NXNL2: variants seen among roughly 807,000 people sequenced by gnomAD.
NXNL2 encodes the protein nucleoredoxin-like protein 2.
A neutral mutation model predicts 11.1 loss-of-function variants in NXNL2; 7 were observed. That is an observed-to-expected ratio of 0.63 (90% CI 0.36 to 1.18). The LOEUF (loss-of-function observed/expected upper bound fraction) is 1.18, where lower values mean the gene tolerates loss of function less well. Ranked by LOEUF, NXNL2 falls within the 50% of genes most tolerant of loss-of-function variation. The pLI is 0.02. For synonymous variants in NXNL2, 109 were observed against 101.8 expected (o/e 1.07, Z -0.42); for missense variants, 233 against 217.7 (o/e 1.07, Z -0.44).
chr9:88,565,313 G>A (rs1830152820), intron 1 of NXNL2, among the ~76,000 whole-genome samples: 1 of 152,188 alleles, frequency 6.6e-6, no homozygotes, highest in African/African-American at 2.4e-5. Flanking sequence ...TAATGCTGCA[G>A]GGGACATGGG....
chr9:88,535,794 C>T (rs1769169123), intron 1 of NXNL2, 58 bp downstream of exon 1: 8 of 1,408,388 alleles, frequency 5.7e-6, no homozygotes, highest in Admixed American at 4.5e-5. Flanking sequence ...CATGTTCCCC[C>T]AGGCCTCCCC....
chr9:88,538,147 G>A (rs896669062), intron 1 of NXNL2, among the ~76,000 whole-genome samples: 1 of 152,178 alleles, frequency 6.6e-6, no homozygotes, highest in African/African-American at 2.4e-5. Flanking sequence ...AAAAAGTGAG[G>A]TTCTTTGCCT....
intron 1 of NXNL2, among the ~76,000 whole-genome samples, chr9:88,561,561 A>G (rs1830086074): frequency 6.6e-6 from 1 of 152,170 alleles, no homozygotes; most frequent in Admixed American, 6.6e-5. Flanking sequence ...ACAATGACAC[A>G]CACAAACCAG....
downstream of NXNL2, chr9:88,545,121 T>A (rs1359437594): frequency 6.5e-6 from 1 of 153,592 alleles, no homozygotes; most frequent in Non-Finnish European, 1.4e-5. Context: ...TTTCTTCTTC[T>A]CTTTGTTTTC....
In NXNL2 at chr9:88,535,221, G is replaced by T. The variant is rs1829575095; in HGVS notation, c.-214G>T. On this transcript the variant is annotated 5_prime_UTR_variant, in exon 1 of 2. Coordinates refer to ENST00000375854, the MANE Select transcript of NXNL2 (RefSeq NM_001161625.2). Reference sequence around the variant, plus strand: ...GTCGCCCAGGTATCTGGGGTCTCTGGTGTCTGAGTGTCTCATTGTCGGCGC... The same window carrying T: ...GTCGCCCAGGTATCTGGGGTCTCTGTTGTCTGAGTGTCTCATTGTCGGCGC... The T allele has an allele frequency of 3.6e-6, 2 of 563,078 alleles. No homozygotes were observed. Among genetic ancestry groups the T allele is most frequent in the Non-Finnish European group, 3.1e-6 (1 of 323,728 alleles). The allele number at this position is 563,078 out of a possible 1,614,324, so 34.9% of individuals were successfully genotyped here.
chr9:88,552,758 C>T (rs191477840), intron 1 of NXNL2, among the ~76,000 whole-genome samples: 11 of 152,130 alleles, frequency 7.2e-5, no homozygotes, highest in African/African-American at 1.9e-4. Context: ...CATGAGCCAC[C>T]GCGCCCGGTG....
chr9:88,544,637 G>C lies in NXNL2; in HGVS notation c.*90G>C. The C allele has an allele frequency of 6.9e-7, 1 of 1,441,176 alleles. No homozygotes were observed. Among genetic ancestry groups the C allele is most frequent in the Non-Finnish European group, 9.1e-7 (1 of 1,094,918 alleles). The allele number at this position is 1,441,176 out of a possible 1,614,324, so 89.3% of individuals were successfully genotyped here. The stretch of plus-strand genomic sequence containing the variant: ...AGGAGCATGTTGGGTTCCTTCCTCT[G>C]TTGGTGTGATTTCATTGTATTTCAG... On this transcript the variant is annotated 3_prime_UTR_variant, in exon 2 of 2. Coordinates refer to ENST00000375854, the MANE Select transcript of NXNL2 (RefSeq NM_001161625.2).
chr9:88,556,432 G>A (rs1208518516), intron 1 of NXNL2, among the ~76,000 whole-genome samples: 5 of 152,154 alleles, frequency 3.3e-5, no homozygotes, highest in African/African-American at 1.2e-4. Context: ...TTTTTGACAT[G>A]AGAGGGGACC....
At chr9:88,583,102 C>A (rs1249105665) in intron 1 of NXNL2, among the ~76,000 whole-genome samples, 1 of 152,182 alleles carries the variant, frequency 6.6e-6, no homozygotes, top group Non-Finnish European at 1.5e-5. Flanking sequence ...AGCTAGGACA[C>A]CTTGATGCTG....
chr9:88,538,003 A>G (rs998100802), intron 1 of NXNL2, among the ~76,000 whole-genome samples: 1 of 152,166 alleles, frequency 6.6e-6, no homozygotes, highest in Admixed American at 6.5e-5. Flanking sequence ...ACAAGGAGGA[A>G]CTGGGCTCTT....
intron 1 of NXNL2, among the ~76,000 whole-genome samples, chr9:88,536,004 C>T (rs1829610070): frequency 6.6e-6 from 1 of 152,200 alleles, no homozygotes; most frequent in African/African-American, 2.4e-5. Context: ...CGCGTTTCTG[C>T]CTGGGGTCTG....
chr9:88,579,841 A>G (rs1830389783), downstream of NXNL2, among the ~76,000 whole-genome samples: 1 of 152,182 alleles, frequency 6.6e-6, no homozygotes, highest in Non-Finnish European at 1.5e-5. Flanking sequence ...AATGAATTAA[A>G]AAATGATGGG....
chr9:88,541,093 G>A, intron 1 of NXNL2, among the ~76,000 whole-genome samples: 1 of 145,854 alleles, frequency 6.9e-6, no homozygotes, highest in Admixed American at 6.9e-5. Context: ...CTACAGGTGT[G>A]CACAGCCACA....
At chr9:88,554,135 G>C (rs1377639624) in intron 1 of NXNL2, among the ~76,000 whole-genome samples, 1 of 152,190 alleles carries the variant, frequency 6.6e-6, no homozygotes, top group South Asian at 2.1e-4. Flanking sequence ...CTCAGAGGGA[G>C]AAGATAGAGT....
At chr9:88,559,855 C>G (rs1047903329) in intron 1 of NXNL2, among the ~76,000 whole-genome samples, 10 of 152,184 alleles carry the variant, frequency 6.6e-5, no homozygotes, top group South Asian at 2.1e-4. Flanking sequence ...GCAAAGCCAC[C>G]AAGTGGCAGG....
At chr9:88,574,435 A>T (rs915165966) in intron 2 of NXNL2, among the ~76,000 whole-genome samples, 16 of 152,218 alleles carry the variant, frequency 1.1e-4, no homozygotes, top group African/African-American at 3.6e-4. Context: ...ACATCAATCA[A>T]TATATGTAAG....
rs1476032674 is a variant in NXNL2, at chr9:88,538,189, C to G, written c.302+2453C>G. Among the ~76,000 whole-genome samples the G allele has an allele frequency of 2.0e-5, 3 of 152,276 alleles. No individual in the cohort carries two copies. The East Asian group carries it at 5.8e-4, about 29-fold the overall frequency. The stretch of plus-strand genomic sequence containing the variant: ...TGCAGCTCCAAGGTTACATTTGTCC[C>G]CAGGCAGAGGCTGCCAGCATGGGGA... On this transcript the variant is annotated intron_variant, in intron 1 of 1. Coordinates refer to ENST00000375854, the MANE Select transcript of NXNL2 (RefSeq NM_001161625.2).
chr9:88,566,073 T>C (rs1032118698), intron 1 of NXNL2, among the ~76,000 whole-genome samples: 3 of 152,206 alleles, frequency 2.0e-5, no homozygotes, highest in African/African-American at 7.2e-5. Flanking sequence ...AATTCCTATA[T>C]GCTTTGGAAA....
At chr9:88,575,607 A>AAGGAAAGTGGGGTTGGG (rs2118548081) in exon 3 of NXNL2, 1 of 152,336 alleles carries the variant, frequency 6.6e-6, no homozygotes, top group South Asian at 2.1e-4. Flanking sequence ...AGAAGCTGGA[A>AAGGAAAGTGGGGTTGGG]AGGAAAGTGG....
Sources: gnomAD v4.1 joint callset for allele counts (sites outside exome capture counted in the v4.1 genomes callset) on GRCh38, gnomAD v4.1.1 for gene constraint, MANE v1.5 for transcripts, NCBI Gene and HGNC (gene_info 2026-07-23, HGNC 2026-07-21) for gene names.